The following TMEM116 variants were observed in gnomAD, a reference collection of about 807,000 sequenced individuals.
TMEM116 encodes the protein transmembrane protein 116.
In TMEM116, 38 loss-of-function variants were observed where a neutral mutation model predicts 44.3. That is an observed-to-expected ratio of 0.86 (90% CI 0.66 to 1.12). TMEM116 has a LOEUF of 1.12. Ranked by LOEUF, TMEM116 falls within the 50% of genes most tolerant of loss-of-function variation. TMEM116 has a pLI of 0.00. For missense variants in TMEM116, 354 were observed against 401.7 expected, an observed-to-expected ratio of 0.88 and a Z score of 1.01; for synonymous variants, 132 against 144.8, an observed-to-expected ratio of 0.91 and a Z score of 0.64.
intron 4 of TMEM116, among the ~76,000 whole-genome samples, chr12:111,954,757 C>T (rs1004287328): frequency 3.9e-5 from 6 of 152,178 alleles, no homozygotes; most frequent in South Asian, 2.1e-4. Flanking sequence ...GGAAATAAAA[C>T]GGTTCACTAA....
chr12:111,964,562 G>T (rs1186283983), intron 4 of TMEM116, among the ~76,000 whole-genome samples: 1 of 151,888 alleles, frequency 6.6e-6, no homozygotes, highest in Non-Finnish European at 1.5e-5. Context: ...GTTTCTACAC[G>T]AACCAAATTT....
chr12:111,975,187 C>A (rs2136485221), intron 4 of TMEM116, among the ~76,000 whole-genome samples: 2 of 152,374 alleles, frequency 1.3e-5, no homozygotes, highest in South Asian at 4.1e-4. Flanking sequence ...CTCTCCTACC[C>A]AGGCTGGAGT....
At chr12:111,966,977 T>C (rs1255786012) in intron 4 of TMEM116, among the ~76,000 whole-genome samples, 1 of 152,170 alleles carries the variant, frequency 6.6e-6, no homozygotes, top group Non-Finnish European at 1.5e-5. Flanking sequence ...TTCCAAACTA[T>C]GCAATAAACT....
At chr12:111,953,694 CCTT>C (rs1180383377) in intron 4 of TMEM116, among the ~76,000 whole-genome samples, 3 of 152,212 alleles carry the variant, frequency 2.0e-5, no homozygotes, top group East Asian at 3.8e-4. Flanking sequence ...ACGTAATCCT[CCTT>C]ATTTTTCCTT....
chr12:111,933,338 C>CT (rs934211922), intron 9 of TMEM116, among the ~76,000 whole-genome samples: 47 of 152,006 alleles, frequency 3.1e-4, no homozygotes, highest in African/African-American at 1.0e-3. Context: ...ACAATGTTTT[C>CT]TCCTCTTATA....
intron 7 of TMEM116, 104 bp downstream of exon 7, chr12:111,937,056 T>C: frequency 8.6e-7 from 1 of 1,162,968 alleles, no homozygotes; most frequent in Non-Finnish European, 1.3e-6. Flanking sequence ...TTTCTAATAT[T>C]AGCACTTTGG....
At chr12:111,941,311 G>A (rs936087626) in intron 5 of TMEM116, among the ~76,000 whole-genome samples, 31 of 151,836 alleles carry the variant, frequency 2.0e-4, no homozygotes, top group Non-Finnish European at 4.0e-4. Flanking sequence ...GGGAGTCGGA[G>A]GCTGCAGTGA....
At chr12:111,961,780 C>T (rs2136391559) in intron 4 of TMEM116, among the ~76,000 whole-genome samples, 1 of 152,328 alleles carries the variant, frequency 6.6e-6, no homozygotes, top group South Asian at 2.1e-4. Flanking sequence ...TGCCCTCTCT[C>T]ACCACTCCTA....
At chr12:111,946,285 T>C (rs974307414) in intron 4 of TMEM116, among the ~76,000 whole-genome samples, 2 of 152,174 alleles carry the variant, frequency 1.3e-5, no homozygotes, top group East Asian at 3.8e-4. Flanking sequence ...AGAAATATAG[T>C]GTGGAGCGGG....
rs557995263 is a variant in TMEM116, at chr12:111,993,619, A to C, written c.79-1730T>G. ...GATGTATAAGGAAGAAGGCCTAAAA[A>C]CATTCTACAAAGGGGTTGCTCCTCT... is the stretch of plus-strand genomic sequence containing the variant. On this transcript the variant is annotated intron_variant, in intron 3 of 10. Coordinates refer to ENST00000552374, the MANE Select transcript of TMEM116 (RefSeq NM_001193531.2). 48 of 552,250 alleles carry C rather than the reference A, an allele frequency of 8.7e-5. 1 individual carries two copies. The highest frequency in any genetic ancestry group is 7.6e-4 in the South Asian group (47 of 61,642). 34.2% of individuals were successfully genotyped at this position (552,250 alleles called of 1,614,324 possible).
At chr12:111,979,846 T>C (rs2075851632) in intron 4 of TMEM116, among the ~76,000 whole-genome samples, 1 of 152,194 alleles carries the variant, frequency 6.6e-6, no homozygotes, top group African/African-American at 2.4e-5. Flanking sequence ...TGTTCAACAT[T>C]ATATGTCATT....
chr12:111,950,860 C>A (rs1346604124), intron 4 of TMEM116, among the ~76,000 whole-genome samples: 1 of 152,098 alleles, frequency 6.6e-6, no homozygotes, highest in Non-Finnish European at 1.5e-5. Context: ...AGAGCTTCTG[C>A]ACAGCAAGAG....
chr12:111,935,861 G>C (rs1216892656), intron 8 of TMEM116: 1 of 151,946 alleles, frequency 6.6e-6, no homozygotes, highest in African/African-American at 2.4e-5. Flanking sequence ...GACTAGTTTC[G>C]AATTCCTGGC....
chr12:111,937,315 C>A, intron 6 of TMEM116, 72 bp from the exon 7 acceptor site: 1 of 1,134,932 alleles, frequency 8.8e-7, no homozygotes, highest in East Asian at 2.5e-5. Context: ...AGAATATTCT[C>A]CTGCTCTTCC....
chr12:111,975,191 C>A (rs907809993), intron 4 of TMEM116, among the ~76,000 whole-genome samples: 2 of 152,258 alleles, frequency 1.3e-5, no homozygotes, highest in African/African-American at 4.8e-5. Context: ...CCTACCCAGG[C>A]TGGAGTGCAG....
In TMEM116 at chr12:111,991,221, A is replaced by C. The variant is rs1163448506; in HGVS notation, c.210+537T>G. On this transcript the variant is annotated intron_variant, in intron 4 of 10. Coordinates refer to ENST00000552374, the MANE Select transcript of TMEM116 (RefSeq NM_001193531.2). ...CGACAGAGCGAGACTCTGTCTCAAAAAAAAAAAAAAAAAAAAAACGGCTGG... is the reference window on the plus strand; with the variant it reads ...CGACAGAGCGAGACTCTGTCTCAAACAAAAAAAAAAAAAAAAAACGGCTGG... 7.6e-4 allele frequency among the ~76,000 whole-genome samples: 74 copies of C among 97,166 alleles called. 1 individual carries two copies. The highest frequency in any genetic ancestry group is 9.9e-4 in the Non-Finnish European group (46 of 46,488). 63.7% of individuals were successfully genotyped at this position (97,166 alleles called of 152,430 possible).
At position 111,939,588 on chromosome 12, in the gene TMEM116, A is replaced by C. The variant is rs537126275; in HGVS notation, c.316-1378T>G. ...CAAGGCAGAAGGATCACTTGAGCCC[A>C]GGAGTTCGAGACTAGCCTAGGCAAC... On this transcript the variant is annotated intron_variant, in intron 5 of 10. Coordinates refer to ENST00000552374, the MANE Select transcript of TMEM116 (RefSeq NM_001193531.2). Among the ~76,000 whole-genome samples the C allele has an allele frequency of 2.0e-5, 3 of 151,868 alleles. No homozygotes were observed. In the South Asian group the frequency reaches 6.2e-4, roughly 32 times the overall value.
chr12:111,982,767 T>G (rs1033120423), intron 4 of TMEM116, among the ~76,000 whole-genome samples: 1 of 152,150 alleles, frequency 6.6e-6, no homozygotes, highest in African/African-American at 2.4e-5. Context: ...CATTCAGGCT[T>G]CATGCAAGTA....
chr12:111,978,405 G>GA (rs147006413), intron 4 of TMEM116, among the ~76,000 whole-genome samples: 29,414 of 146,614 alleles, frequency 0.2, 3,046 homozygotes, highest in Middle Eastern at 0.28. Context: ...TCAAAAAAAA[G>GA]AAAAAAAAAG....
Sources: allele counts gnomAD v4.1 joint callset (sites outside exome capture counted in the v4.1 genomes callset), GRCh38; gene constraint gnomAD v4.1.1; transcripts MANE v1.5; gene names NCBI Gene and HGNC (gene_info 2026-07-23, HGNC 2026-07-21).